The following BAIAP2 variants were observed in gnomAD, a reference collection of about 807,000 sequenced individuals.
The protein encoded by BAIAP2 is BAR/IMD domain containing adaptor protein 2, also known as BAR/IMD domain-containing adapter protein 2.
A neutral mutation model predicts 63.0 loss-of-function variants in BAIAP2; 18 were observed. The observed-to-expected ratio is 0.29, with a 90% CI of 0.20 to 0.42. The LOEUF is 0.42. Among genes scored for constraint, BAIAP2 ranks in the 10% least tolerant of loss-of-function variants. BAIAP2 has a pLI of 1.00. For missense variants in BAIAP2, 610 were observed against 734.3 expected (o/e 0.83, Z 1.96); for synonymous variants, 386 against 307.6 (o/e 1.25, Z -2.67).
intron 3 of BAIAP2, among the ~76,000 whole-genome samples, chr17:81,074,570 C>T (rs1269230164): frequency 3.4e-5 from 5 of 147,586 alleles, no homozygotes; most frequent in South Asian, 2.2e-4. Flanking sequence ...TGTTCGTGTG[C>T]GTGCATGGAT....
At chr17:81,037,197 T>G (rs1408174316) in intron 1 of BAIAP2, among the ~76,000 whole-genome samples, 1 of 151,444 alleles carries the variant, frequency 6.6e-6, no homozygotes, top group Non-Finnish European at 1.5e-5. Context: ...GCGTTTTGTC[T>G]TCCACGGGTG....
chr17:81,083,925 T>C (rs1277373749), intron 3 of BAIAP2: 3 of 152,178 alleles, frequency 2.0e-5, no homozygotes, highest in Non-Finnish European at 2.9e-5. Flanking sequence ...GATGCAGCAA[T>C]GTGGTGAGGC....
At position 81,099,963 on chromosome 17, in the gene BAIAP2, G is replaced by A. The variant is rs1424918100; in HGVS notation, c.525G>A (p.Leu175=). Residue 175 remains leucine, a synonymous_variant, in exon 7 of 14, where the codon CTG becomes CTA. Transcript: ENST00000428708. ...IDAISNKQGE[L]ENYVSDGYKT... Reference sequence around the variant, plus strand: ...CCATCAGCAACAAGCAGGGCGAGCTGGAGAATTACGTGTCCGACGGCTACA... The same window carrying A: ...CCATCAGCAACAAGCAGGGCGAGCTAGAGAATTACGTGTCCGACGGCTACA... 2 of 1,613,536 alleles carry A rather than the reference G, an allele frequency of 1.2e-6. No homozygotes were observed. Among genetic ancestry groups the A allele is most frequent in the African/African-American group, 1.3e-5 (1 of 75,058 alleles).
In BAIAP2 at chr17:81,079,379, C is replaced by G. The variant is rs545760195; in HGVS notation, c.218-5453C>G. ...CTGGTGGGGTGAGGCCCACGGTGAC[C>G]CCAGTGTGGACCGGCTGCTGCTTCA... On this transcript the variant is annotated intron_variant, in intron 3 of 13. Transcript: ENST00000428708. Among the ~76,000 whole-genome samples the G allele has an allele frequency of 3.2e-3, 488 of 152,060 alleles. 5 individuals carry two copies. Among genetic ancestry groups the G allele is most frequent in the African/African-American group, 0.011 (464 of 41,474 alleles).
intron 2 of BAIAP2, among the ~76,000 whole-genome samples, chr17:81,055,875 G>T (rs1162749888): frequency 6.6e-6 from 1 of 152,140 alleles, no homozygotes; most frequent in Non-Finnish European, 1.5e-5. Context: ...CGTCTGCAGG[G>T]TTTTCATGAC....
chr17:81,115,521 A>T (rs542438110), intron 13 of BAIAP2, among the ~76,000 whole-genome samples: 1,757 of 152,102 alleles, frequency 0.012, 8 homozygotes, highest in Non-Finnish European at 0.019. Flanking sequence ...TGGGAGGGTG[A>T]TGGATCGGGG....
intron 1 of BAIAP2, among the ~76,000 whole-genome samples, chr17:81,049,964 C>T (rs919819285): frequency 1.3e-5 from 2 of 152,192 alleles, no homozygotes; most frequent in African/African-American, 2.4e-5. Context: ...TGGACTGGTT[C>T]GGAGGCTCAG....
At position 81,057,979 on chromosome 17, in the gene BAIAP2, C is replaced by CCCG; in HGVS notation, c.217+14_217+15insGCC. On this transcript the variant is annotated intron_variant, in intron 3 of 13. Transcript: ENST00000428708. ...CTCCAAAGAACTCGGTGAGACCCCC[C>CCCG]CCCCCCCCCCGCCTGGTAGTCGCCT... The CCCG allele has an allele frequency of 1.8e-6, 2 of 1,084,604 alleles. No individual in the cohort carries two copies. Among genetic ancestry groups the CCCG allele is most frequent in the Non-Finnish European group, 2.4e-6 (2 of 821,744 alleles). The allele number at this position is 1,084,604 out of a possible 1,614,324, so 67.2% of individuals were successfully genotyped here. A position where few individuals can be genotyped will look rare whatever the true frequency, so the allele number is the denominator to read the frequency against.
At chr17:81,093,796 C>A (rs529439450) in intron 6 of BAIAP2, among the ~76,000 whole-genome samples, 9 of 152,276 alleles carry the variant, frequency 5.9e-5, no homozygotes, top group African/African-American at 1.7e-4. Context: ...AGACAAAGCA[C>A]CCTCGTTCAG....
intron 12 of BAIAP2, 46 bp downstream of exon 12, chr17:81,106,953 G>A (rs1399136506): frequency 1.4e-6 from 2 of 1,466,418 alleles, no homozygotes; most frequent in East Asian, 5.0e-5. Flanking sequence ...AGGTGGAACA[G>A]TGGGCTCAGC....
Position 81,048,656 on chromosome 17 carries a change from A to G in BAIAP2, c.55-5012A>G, listed in dbSNP as rs542352261. On this transcript the variant is annotated intron_variant, in intron 1 of 13. Transcript: ENST00000428708. The stretch of plus-strand genomic sequence containing the variant: ...CCAAAAGGGCTCCCTGGGCTCATCA[A>G]TGTTCTCTGACGGCCACCTCTGCAA... 2.4e-3 allele frequency among the ~76,000 whole-genome samples: 368 copies of G among 152,146 alleles called. 1 individual carries two copies. Among genetic ancestry groups the G allele is most frequent in the Middle Eastern group, 3.4e-3 (1 of 294 alleles).
intron 2 of BAIAP2, among the ~76,000 whole-genome samples, chr17:81,055,704 C>T (rs1314635369): frequency 3.0e-4 from 46 of 151,756 alleles, no homozygotes; most frequent in Middle Eastern, 3.4e-3. Flanking sequence ...TAGCTGGGAC[C>T]ACAGGTGCCT....
chr17:81,106,680 A>G (rs2059221683), intron 11 of BAIAP2, 65 bp from the exon 12 acceptor site: 3 of 1,595,688 alleles, frequency 1.9e-6, no homozygotes, highest in South Asian at 1.1e-5. Context: ...CCAGGGAGCC[A>G]CAGGGTTGTG....
chr17:81,103,574 C>T lies in BAIAP2; in HGVS notation c.715C>T (p.Arg239Cys), dbSNP rs1244641725. 3.7e-6 allele frequency: 6 copies of T among 1,602,706 alleles called. No homozygotes were observed. Among genetic ancestry groups the T allele is most frequent in the South Asian group, 1.1e-5 (1 of 90,794 alleles). Residue 239 changes from arginine to cysteine, a missense_variant, in exon 8 of 14, where the codon CGC (arginine) becomes TGC (cysteine). Arg to Cys is a radical substitution (Grantham distance 180). Coordinates refer to ENST00000428708, the MANE Select transcript of BAIAP2 (RefSeq NM_001144888.2). ...ACADPSKIPE[R>C]AVQLMQQVAS... ...TGCCGACCCCAGCAAGATCCCGGAG[C>T]GCGCGGTGCAGCTCATGCAGCAGGT...
intron 13 of BAIAP2, among the ~76,000 whole-genome samples, chr17:81,113,720 C>T (rs1258888109): frequency 2.0e-5 from 3 of 152,166 alleles, no homozygotes; most frequent in Non-Finnish European, 4.4e-5. Context: ...GCACGCTCCA[C>T]CTGGTCCCAC....
intron 1 of BAIAP2, among the ~76,000 whole-genome samples, chr17:81,051,691 C>G (rs56204158): frequency 6.6e-6 from 1 of 152,022 alleles, no homozygotes; most frequent in South Asian, 2.1e-4. Context: ...CGTGTCCGGC[C>G]TGTTTTATTT....
At chr17:81,105,936 C>T (rs1034256141) in intron 10 of BAIAP2, 142 bp from the exon 11 acceptor site, 1 of 696,694 alleles carries the variant, frequency 1.4e-6, no homozygotes. Context: ...TCTTTGTCTC[C>T]CTGGAGCACT....
At chr17:81,096,703 C>T (rs920013416) in intron 6 of BAIAP2, among the ~76,000 whole-genome samples, 1 of 152,246 alleles carries the variant, frequency 6.6e-6, no homozygotes, top group Non-Finnish European at 1.5e-5. Context: ...TGGAGCACAG[C>T]GGGCTCAGGT....
rs553505547 is a variant in BAIAP2 at position 81,035,174 on chromosome 17, C to T, written c.-81C>T. 27 of 1,225,044 alleles carry T rather than the reference C, an allele frequency of 2.2e-5. No homozygotes were observed. In the East Asian group the frequency reaches 2.7e-4, roughly 12 times the overall value. 75.9% of individuals were successfully genotyped at this position (1,225,044 alleles called of 1,614,324 possible). ...CTGTGGTTCGGGTCCGCTTTCGTCT[C>T]CGTCCTGCTGCCGTTACCGCCGCTG... On this transcript the variant is annotated 5_prime_UTR_variant, in exon 1 of 14. Transcript: ENST00000428708.
Sources: allele counts gnomAD v4.1 joint callset (sites outside exome capture counted in the v4.1 genomes callset), GRCh38; gene constraint gnomAD v4.1.1; transcripts MANE v1.5; gene names NCBI Gene and HGNC (gene_info 2026-07-23, HGNC 2026-07-21).